The following CNTN5 variants were observed in gnomAD, a reference collection of about 807,000 sequenced individuals.
CNTN5 encodes the protein contactin-5.
Under a neutral mutation model 129.1 loss-of-function variants are expected in CNTN5, and 77 were observed. That is an observed-to-expected ratio of 0.60 (90% CI 0.50 to 0.72). The LOEUF (loss-of-function observed/expected upper bound fraction) is 0.72, where lower values mean the gene tolerates loss of function less well. Ranked by LOEUF, CNTN5 falls within the 30% of genes least tolerant of loss-of-function variation. The probability of loss-of-function intolerance (pLI) is 0.00; values close to 1 mark genes in which losing one functional copy is unlikely to be tolerated. For missense variants in CNTN5, 1,478 were observed against 1,328.8 expected (o/e 1.11, Z -1.75); for synonymous variants, 509 against 465.6 (o/e 1.09, Z -1.20).
At chr11:99,529,176 C>T (rs1162271478) in intron 2 of CNTN5, among the ~76,000 whole-genome samples, 1 of 152,190 alleles carries the variant, frequency 6.6e-6, no homozygotes, top group Non-Finnish European at 1.5e-5. Flanking sequence ...CAGGGCCCAG[C>T]TGATTGGATG....
intron 6 of CNTN5, among the ~76,000 whole-genome samples, chr11:99,848,029 G>A (rs1002691567): frequency 6.6e-6 from 1 of 152,128 alleles, no homozygotes; most frequent in African/African-American, 2.4e-5. Flanking sequence ...TGGCGAACAC[G>A]GTGAAACCCA....
At chr11:99,840,903 T>C (rs1196533698) in intron 4 of CNTN5, among the ~76,000 whole-genome samples, 3 of 152,166 alleles carry the variant, frequency 2.0e-5, no homozygotes, top group Non-Finnish European at 2.9e-5. Flanking sequence ...AATTCACTGC[T>C]ACAGCAGAAT....
chr11:99,698,515 G>T (rs1281259335), intron 3 of CNTN5, among the ~76,000 whole-genome samples: 1 of 151,378 alleles, frequency 6.6e-6, no homozygotes, highest in Non-Finnish European at 1.5e-5. Context: ...TTTACTGACT[G>T]TAGTTGCATG....
At chr11:99,569,304 T>TATTG in intron 3 of CNTN5, among the ~76,000 whole-genome samples, 1 of 150,934 alleles carries the variant, frequency 6.6e-6, no homozygotes, top group Non-Finnish European at 1.5e-5. Flanking sequence ...TTATTTTTAT[T>TATTG]ATTTATTTAT....
intron 1 of CNTN5, among the ~76,000 whole-genome samples, chr11:99,093,795 A>G: frequency 6.6e-6 from 1 of 151,964 alleles, no homozygotes; most frequent in Admixed American, 6.6e-5. Flanking sequence ...CGAGTTAGGG[A>G]AATGCAGGTC....
intron 3 of CNTN5, among the ~76,000 whole-genome samples, chr11:99,766,649 A>G (rs1303758378): frequency 3.3e-5 from 5 of 152,020 alleles, no homozygotes; most frequent in South Asian, 2.1e-4. Context: ...ACTTTTATTA[A>G]TACCCCCATC....
chr11:99,136,779 G>A lies in CNTN5; in HGVS notation c.-210+115509G>A, dbSNP rs1314381568. ...GACGGAAGAAGGCATAAAAGGACATGGGTTGTTTTAATGGATGGGTGATAT... is the reference window on the plus strand; with the variant it reads ...GACGGAAGAAGGCATAAAAGGACATAGGTTGTTTTAATGGATGGGTGATAT... On this transcript the variant is annotated intron_variant, in intron 1 of 24. Transcript: ENST00000524871. 1.8e-4 allele frequency among the ~76,000 whole-genome samples: 5 copies of A among 27,908 alleles called. No individual in the cohort carries two copies. The East Asian group carries it at 0.068, about 377-fold the overall frequency. 18.3% of individuals were successfully genotyped at this position (27,908 alleles called of 152,430 possible). A position where few individuals can be genotyped will look rare whatever the true frequency, so the allele number is the denominator to read the frequency against.
intron 3 of CNTN5, among the ~76,000 whole-genome samples, chr11:99,649,940 A>G (rs1401794369): frequency 6.6e-6 from 1 of 151,794 alleles, no homozygotes; most frequent in Non-Finnish European, 1.5e-5. Flanking sequence ...TCATTCCCAC[A>G]GGAATGATTC....
At chr11:100,225,936 G>A (rs890169133) in intron 16 of CNTN5, among the ~76,000 whole-genome samples, 2 of 152,020 alleles carry the variant, frequency 1.3e-5, no homozygotes, top group Non-Finnish European at 2.9e-5. Context: ...GAATGTATAT[G>A]GGTTTTGGTA....
At chr11:99,719,089 C>T (rs1318602243) in intron 3 of CNTN5, among the ~76,000 whole-genome samples, 1 of 151,986 alleles carries the variant, frequency 6.6e-6, no homozygotes. Context: ...GAGGCCGAAG[C>T]AGGTGGATCA....
chr11:99,283,207 T>C (rs545385467), intron 1 of CNTN5, among the ~76,000 whole-genome samples: 96 of 152,272 alleles, frequency 6.3e-4, no homozygotes, highest in African/African-American at 2.3e-3. Context: ...CTCAGTCCTT[T>C]CTTTAAAGTA....
chr11:100,067,465 G>A (rs918254035), intron 10 of CNTN5, among the ~76,000 whole-genome samples: 1 of 132,516 alleles, frequency 7.5e-6, no homozygotes, highest in African/African-American at 2.9e-5. Flanking sequence ...ACCAAGTTAT[G>A]CCATTTCAGG....
chr11:99,754,153 C>T (rs540311210), intron 3 of CNTN5, among the ~76,000 whole-genome samples: 1 of 152,184 alleles, frequency 6.6e-6, no homozygotes, highest in South Asian at 2.1e-4. Context: ...GATTGCTTAG[C>T]GTGTGTATCT....
At chr11:99,730,414 T>C (rs1264779957) in intron 3 of CNTN5, among the ~76,000 whole-genome samples, 1 of 152,228 alleles carries the variant, frequency 6.6e-6, no homozygotes, top group Non-Finnish European at 1.5e-5. Flanking sequence ...TAAATAAAGA[T>C]CTGTTCAAGA....
At chr11:99,912,585 C>T (rs1949689618) in intron 6 of CNTN5, among the ~76,000 whole-genome samples, 1 of 150,940 alleles carries the variant, frequency 6.6e-6, no homozygotes, top group Admixed American at 6.6e-5. Flanking sequence ...TCTCATATCC[C>T]AAGTCTACAC....
intron 3 of CNTN5, among the ~76,000 whole-genome samples, chr11:99,752,831 CA>C (rs1284671316): frequency 6.6e-6 from 1 of 152,084 alleles, no homozygotes; most frequent in African/African-American, 2.4e-5. Flanking sequence ...CTCTTAAAAT[CA>C]AATCTTAGCT....
At chr11:99,960,366 T>TC (rs1950910535) in intron 8 of CNTN5, among the ~76,000 whole-genome samples, 1 of 152,116 alleles carries the variant, frequency 6.6e-6, no homozygotes, top group Admixed American at 6.6e-5. Context: ...ATGTTTTTTT[T>TC]CTTCTACTTG....
chr11:100,013,271 G>T (rs1348706671), intron 9 of CNTN5, among the ~76,000 whole-genome samples: 2 of 152,056 alleles, frequency 1.3e-5, no homozygotes, highest in Non-Finnish European at 2.9e-5. Context: ...TACACTAAAA[G>T]CCCAGACTTC....
intron 2 of CNTN5, among the ~76,000 whole-genome samples, chr11:99,435,003 A>G (rs919495219): frequency 1.3e-5 from 2 of 152,154 alleles, no homozygotes; most frequent in African/African-American, 2.4e-5. Flanking sequence ...ATAATCATCA[A>G]CCATTTAGTC....
Sources: gnomAD v4.1 joint callset for allele counts (sites outside exome capture counted in the v4.1 genomes callset) on GRCh38, gnomAD v4.1.1 for gene constraint, MANE v1.5 for transcripts, NCBI Gene and HGNC (gene_info 2026-07-23, HGNC 2026-07-21) for gene names.